The following DLG2 variants were observed in gnomAD, a reference collection of about 807,000 sequenced individuals.
DLG2 encodes discs large MAGUK scaffold protein 2, also known as disks large homolog 2.
Under a neutral mutation model 132.5 loss-of-function variants are expected in DLG2, and 45 were observed. The ratio of observed to expected loss-of-function variants is 0.34; its 90% CI spans 0.27 to 0.44. The LOEUF is 0.44. DLG2 is among the 20% of genes least tolerant of loss of function. The pLI, the probability that DLG2 is intolerant of heterozygous loss-of-function variation, is 1.00. For missense variants in DLG2, 1,045 were observed against 1,196.9 expected, an observed-to-expected ratio of 0.87 and a Z score of 1.87; for synonymous variants, 424 against 419.6, an observed-to-expected ratio of 1.01 and a Z score of -0.13.
chr11:84,854,952 T>C (rs1295217991), intron 6 of DLG2, among the ~76,000 whole-genome samples: 2 of 152,076 alleles, frequency 1.3e-5, no homozygotes, highest in Non-Finnish European at 2.9e-5. Flanking sequence ...ACTTTATTTT[T>C]AAACCTCTCT....
intron 18 of DLG2, among the ~76,000 whole-genome samples, chr11:83,771,432 G>T (rs564786196): frequency 6.6e-6 from 1 of 152,238 alleles, no homozygotes; most frequent in Admixed American, 6.5e-5. Context: ...CTTAACAATG[G>T]TGATTATGTC....
chr11:84,488,417 T>A (rs1006438500), intron 7 of DLG2, among the ~76,000 whole-genome samples: 1 of 152,120 alleles, frequency 6.6e-6, no homozygotes, highest in Non-Finnish European at 1.5e-5. Flanking sequence ...GTCAAAGTCA[T>A]CTTGCTGCAT....
At chr11:83,728,395 C>T (rs2090412189) in intron 18 of DLG2, among the ~76,000 whole-genome samples, 1 of 152,192 alleles carries the variant, frequency 6.6e-6, no homozygotes, top group Non-Finnish European at 1.5e-5. Context: ...TTTATACAGA[C>T]AGCTCTTTCT....
At chr11:85,591,563 AC>A (rs1401903945) in intron 3 of DLG2, among the ~76,000 whole-genome samples, 2 of 151,912 alleles carry the variant, frequency 1.3e-5, no homozygotes, top group African/African-American at 4.8e-5. Flanking sequence ...ACATGGTGAA[AC>A]CCCGTCTCTA....
chr11:84,073,470 A>T (rs760274468), intron 10 of DLG2, among the ~76,000 whole-genome samples: 8 of 152,182 alleles, frequency 5.3e-5, no homozygotes, highest in Non-Finnish European at 1.2e-4. Context: ...CAACCAACAT[A>T]TATTGAAGAC....
At chr11:84,848,812 A>C (rs965600731) in intron 6 of DLG2, among the ~76,000 whole-genome samples, 16 of 152,198 alleles carry the variant, frequency 1.1e-4, no homozygotes, top group African/African-American at 3.6e-4. Context: ...CAGAAGTCCA[A>C]CTGTGTTAGC....
intron 7 of DLG2, among the ~76,000 whole-genome samples, chr11:84,445,299 T>C (rs1441943931): frequency 6.6e-6 from 1 of 152,190 alleles, no homozygotes; most frequent in East Asian, 1.9e-4. Flanking sequence ...TAAATACATT[T>C]TAATAGTCTT....
chr11:85,388,595 T>C (rs897235375), intron 3 of DLG2, among the ~76,000 whole-genome samples: 7 of 152,038 alleles, frequency 4.6e-5, no homozygotes, highest in African/African-American at 1.7e-4. Flanking sequence ...CAGAGAACAC[T>C]TCACTCCCCT....
chr11:84,672,375 A>G (rs1011208280), intron 6 of DLG2, among the ~76,000 whole-genome samples: 1 of 152,150 alleles, frequency 6.6e-6, no homozygotes, highest in African/African-American at 2.4e-5. Flanking sequence ...AGAACATCAA[A>G]TGACACAGGT....
intron 5 of DLG2, among the ~76,000 whole-genome samples, chr11:85,150,685 T>G (rs1194442917): frequency 6.7e-6 from 1 of 150,170 alleles, no homozygotes; most frequent in Non-Finnish European, 1.5e-5. Flanking sequence ...TTCCTTTTGT[T>G]CCTAAGGCTA....
intron 3 of DLG2, among the ~76,000 whole-genome samples, chr11:85,446,422 C>G (rs768132677): frequency 6.6e-6 from 1 of 152,068 alleles, no homozygotes; most frequent in Admixed American, 6.6e-5. Flanking sequence ...TGTTTATATT[C>G]TTTTTCAAAT....
intron 6 of DLG2, among the ~76,000 whole-genome samples, chr11:84,657,137 T>C (rs1219847826): frequency 6.6e-6 from 1 of 152,148 alleles, no homozygotes; most frequent in Non-Finnish European, 1.5e-5. Flanking sequence ...ATGACTGTTT[T>C]AATGTGCTAA....
chr11:83,693,686 G>T (rs776536223), intron 18 of DLG2: 4 of 152,158 alleles, frequency 2.6e-5, no homozygotes, highest in African/African-American at 9.7e-5. Flanking sequence ...TTAGCTCTCC[G>T]GGTGAATAAT....
chr11:84,125,562 G>A (rs991242390), intron 9 of DLG2, among the ~76,000 whole-genome samples: 1 of 152,146 alleles, frequency 6.6e-6, no homozygotes, highest in African/African-American at 2.4e-5. Context: ...TCAGCTGTAG[G>A]GGGGTACTAG....
chr11:85,059,237 A>C (rs924910798), intron 6 of DLG2, among the ~76,000 whole-genome samples: 1 of 151,490 alleles, frequency 6.6e-6, no homozygotes, highest in Non-Finnish European at 1.5e-5. Flanking sequence ...TTGAAATTAC[A>C]ATATTTCTAT....
chr11:85,352,785 T>G (rs573214683), intron 3 of DLG2, among the ~76,000 whole-genome samples: 2 of 152,278 alleles, frequency 1.3e-5, no homozygotes, highest in East Asian at 1.9e-4. Context: ...GCTAGCCATA[T>G]GTAGAAAGCT....
At chr11:84,635,980 G>A (rs2099639880) in intron 6 of DLG2, among the ~76,000 whole-genome samples, 1 of 152,144 alleles carries the variant, frequency 6.6e-6, no homozygotes, top group Non-Finnish European at 1.5e-5. Flanking sequence ...GAAAAGCCAA[G>A]GACAAAATGT....
chr11:83,580,216 G>C (rs547004375), intron 19 of DLG2, among the ~76,000 whole-genome samples: 1 of 152,190 alleles, frequency 6.6e-6, no homozygotes, highest in South Asian at 2.1e-4. Flanking sequence ...CATGTACAGT[G>C]TAAATGGAAT....
At chr11:85,554,766 A>G (rs1252942854) in intron 3 of DLG2, among the ~76,000 whole-genome samples, 2 of 150,838 alleles carry the variant, frequency 1.3e-5, no homozygotes, top group Non-Finnish European at 2.9e-5. Context: ...AACTTCCCCA[A>G]TTGCTCCTAT....
Sources: allele counts gnomAD v4.1 joint callset (sites outside exome capture counted in the v4.1 genomes callset), GRCh38; gene constraint gnomAD v4.1.1; transcripts MANE v1.5; gene names NCBI Gene and HGNC (gene_info 2026-07-23, HGNC 2026-07-21).